Variants in IGF2BP1 observed in about 807,000 individuals in gnomAD.
IGF2BP1 encodes the protein insulin-like growth factor 2 mRNA-binding protein 1.
IGF2BP1 carries 11 observed loss-of-function variants against 74.9 expected under a neutral mutation model. That is an observed-to-expected ratio of 0.15 (90% confidence interval 0.09 to 0.24). The LOEUF (loss-of-function observed/expected upper bound fraction) is 0.24, where lower values mean the gene tolerates loss of function less well. Among genes scored for constraint, IGF2BP1 ranks in the 10% least tolerant of loss-of-function variants. The probability of loss-of-function intolerance (pLI) is 1.00; values close to 1 mark genes in which losing one functional copy is unlikely to be tolerated. For synonymous variants in IGF2BP1, 287 were observed against 281.8 expected, an observed-to-expected ratio of 1.02 and a Z score of -0.18; for missense variants, 440 against 757.4, an observed-to-expected ratio of 0.58 and a Z score of 4.92.
chr17:48,999,195 G>GCC, intron 2 of IGF2BP1, 26 bp downstream of exon 2: 3 of 719,728 alleles, frequency 4.2e-6, no homozygotes. Flanking sequence ...TTTCGGGGGG[G>GCC]GTGGGGGGGC....
chr17:49,009,877 C>T (rs927320828), intron 2 of IGF2BP1, among the ~76,000 whole-genome samples: 3 of 151,926 alleles, frequency 2.0e-5, no homozygotes, highest in African/African-American at 4.8e-5. Context: ...GTCAGGAGTT[C>T]GAGACCAGCC....
At chr17:49,027,319 A>C (rs2041869708) in intron 4 of IGF2BP1, among the ~76,000 whole-genome samples, 1 of 152,158 alleles carries the variant, frequency 6.6e-6, no homozygotes. Flanking sequence ...GAAATCTTGC[A>C]TTCAATCGGA....
At chr17:49,047,382 A>T (rs2042117905) in intron 14 of IGF2BP1, among the ~76,000 whole-genome samples, 1 of 152,116 alleles carries the variant, frequency 6.6e-6, no homozygotes, top group Non-Finnish European at 1.5e-5. Context: ...TAATAATAAT[A>T]TCTAAGATTT....
chr17:49,034,756 CAAAAAAAA>C (rs2041966937), intron 5 of IGF2BP1, among the ~76,000 whole-genome samples: 1 of 136,142 alleles, frequency 7.3e-6, no homozygotes, highest in African/African-American at 2.9e-5. Flanking sequence ...ACAAAAAAAA[CAAAAAAAA>C]CAAAAAAAAC....
At chr17:49,042,814 G>C (rs1440146125) in intron 9 of IGF2BP1, among the ~76,000 whole-genome samples, 1 of 152,002 alleles carries the variant, frequency 6.6e-6, no homozygotes, top group Admixed American at 6.6e-5. Context: ...GTACCTAGGA[G>C]ACTACAGGTG....
At chr17:49,041,597 A>G in intron 8 of IGF2BP1, 97 bp downstream of exon 8, 1 of 1,488,218 alleles carries the variant, frequency 6.7e-7, no homozygotes, top group Non-Finnish European at 9.2e-7. Flanking sequence ...CTCTTTTAAA[A>G]TGGGTGCTCC....
chr17:49,027,618 C>G (rs1212364642), intron 4 of IGF2BP1, among the ~76,000 whole-genome samples: 1 of 151,642 alleles, frequency 6.6e-6, no homozygotes, highest in South Asian at 2.1e-4. Context: ...TTTGGGAGGC[C>G]GAGGCAGGCG....
At chr17:49,034,284 T>G (rs1310025834) in intron 5 of IGF2BP1, among the ~76,000 whole-genome samples, 1 of 151,928 alleles carries the variant, frequency 6.6e-6, no homozygotes, top group Non-Finnish European at 1.5e-5. Context: ...TGCCTGGCAA[T>G]TTTTTGTATT....
Position 49,045,046 on chromosome 17 carries a change from C to G in IGF2BP1, c.1376C>G (p.Pro459Arg). The part of the protein sequence containing the change: ...SKVRMVIITG[P>R]PEAQFKAQGR... ...GTTCGTATGGTTATCATCACTGGAC[C>G]GCCAGAGGCCCAATTCAAGGTTTTG... is the stretch of plus-strand genomic sequence containing the variant. The change falls in exon 12 of 15, where the codon CCG becomes CGG. Residue 459 changes from proline (P) to arginine (R), a missense_variant. Pro to Arg is a moderately radical substitution (Grantham distance 103, BLOSUM62 -2). Transcript: ENST00000290341. 5 of 1,613,966 alleles carry G rather than the reference C, an allele frequency of 3.1e-6. No individual in the cohort carries two copies. Among genetic ancestry groups the G allele is most frequent in the Non-Finnish European group, 4.2e-6 (5 of 1,179,884 alleles).
Position 49,055,255 on chromosome 17 carries a change from C to T in IGF2BP1, c.*5811C>T, listed in dbSNP as rs373399646. Reference sequence around the variant, plus strand: ...TTTTTTCCCCCATAAATAAGTTTCACTCTTTGGCGATTTTCTTCACTTGTT... The same window carrying T: ...TTTTTTCCCCCATAAATAAGTTTCATTCTTTGGCGATTTTCTTCACTTGTT... On this transcript the variant is annotated 3_prime_UTR_variant, in exon 15 of 15. Coordinates refer to ENST00000290341, the MANE Select transcript of IGF2BP1 (RefSeq NM_006546.4). 6.0e-6 allele frequency: 1 copy of T among 166,830 alleles called. No homozygotes were observed. Among genetic ancestry groups the T allele is most frequent in the Non-Finnish European group, 1.3e-5 (1 of 78,408 alleles). The allele number at this position is 166,830 out of a possible 1,614,324, so 10.3% of individuals were successfully genotyped here. A position where few individuals can be genotyped will look rare whatever the true frequency, so the allele number is the denominator to read the frequency against.
intron 2 of IGF2BP1, among the ~76,000 whole-genome samples, chr17:48,999,644 C>T (rs2041460415): frequency 6.6e-6 from 1 of 152,124 alleles, no homozygotes; most frequent in African/African-American, 2.4e-5. Flanking sequence ...TCCCGGCCCC[C>T]AAAGAATCCC....
chr17:49,002,699 ATTTTTTT>A (rs60312699), intron 2 of IGF2BP1, among the ~76,000 whole-genome samples: 8 of 139,212 alleles, frequency 5.7e-5, no homozygotes, highest in African/African-American at 2.1e-4. Flanking sequence ...TTAGGTTAGA[ATTTTTTT>A]TTTTTTTTTG....
chr17:49,043,395 T>G, intron 9 of IGF2BP1, 33 bp from the exon 10 acceptor site: 2 of 1,611,982 alleles, frequency 1.2e-6, no homozygotes, highest in African/African-American at 2.7e-5. Flanking sequence ...TGTCAGGGTG[T>G]GCTGACTCTT....
chr17:49,047,930 G>A (rs2042125544), intron 14 of IGF2BP1, among the ~76,000 whole-genome samples: 1 of 152,050 alleles, frequency 6.6e-6, no homozygotes, highest in African/African-American at 2.4e-5. Context: ...GGCCCAGGCT[G>A]GTTTCAAACT....
At chr17:49,046,686 A>G (rs892326496) in intron 14 of IGF2BP1, among the ~76,000 whole-genome samples, 2 of 150,768 alleles carry the variant, frequency 1.3e-5, no homozygotes, top group African/African-American at 4.9e-5. Flanking sequence ...TATATGTTCT[A>G]CGTTAGTCCC....
intron 2 of IGF2BP1, among the ~76,000 whole-genome samples, chr17:49,009,062 C>T (rs1194187017): frequency 6.6e-6 from 1 of 152,066 alleles, no homozygotes; most frequent in East Asian, 1.9e-4. Context: ...GAGTCTTGCT[C>T]TGTTGCCCAG....
rs368769665 is a variant in IGF2BP1 at position 49,043,957 on chromosome 17, A to G, written c.1201-10A>G. 73 of 1,613,162 alleles carry G rather than the reference A, an allele frequency of 4.5e-5. No homozygotes were observed. Among genetic ancestry groups the G allele is most frequent in the Middle Eastern group, 1.7e-4 (1 of 5,968 alleles). On this transcript the variant is annotated splice_polypyrimidine_tract_variant and intron_variant, in intron 10 of 14. Transcript: ENST00000290341. ...GGGCCCCCTGGTAACAACGCCTCCT[A>G]TCCTGGCAGCAGGCTCCCGAGCAGG...
chr17:49,001,892 G>A (rs2143917462), intron 2 of IGF2BP1, among the ~76,000 whole-genome samples: 1 of 152,214 alleles, frequency 6.6e-6, no homozygotes, highest in East Asian at 1.9e-4. Context: ...TTTGAGACAT[G>A]ATTTGCTTTT....
Position 49,051,239 on chromosome 17 carries a change from AT to A in IGF2BP1, c.*1802del, listed in dbSNP as rs2042163565. On this transcript the variant is annotated 3_prime_UTR_variant, in exon 15 of 15. Coordinates refer to ENST00000290341, the MANE Select transcript of IGF2BP1 (RefSeq NM_006546.4). ...AGAAGCTGATAGTCTTGAATATTTTATTTTTTTAATGAAAAGAAAAAACAAG... is the reference window on the plus strand; with the variant it reads ...AGAAGCTGATAGTCTTGAATATTTTATTTTTTAATGAAAAGAAAAAACAAG... 1 of 152,720 alleles carries A rather than the reference AT, an allele frequency of 6.5e-6. No individual in the cohort carries two copies. The highest frequency in any genetic ancestry group is 2.1e-4 in the South Asian group (1 of 4,826). 9.5% of individuals were successfully genotyped at this position (152,720 alleles called of 1,614,324 possible).
Sources: gnomAD v4.1 joint callset for allele counts (sites outside exome capture counted in the v4.1 genomes callset) on GRCh38, gnomAD v4.1.1 for gene constraint, MANE v1.5 for transcripts, NCBI Gene and HGNC (gene_info 2026-07-23, HGNC 2026-07-21) for gene names.